Variants in RASAL2 observed in about 807,000 individuals in gnomAD.
RASAL2 encodes the protein ras GTPase-activating protein nGAP.
A neutral mutation model predicts 128.9 loss-of-function variants in RASAL2; 58 were observed. The observed-to-expected ratio is 0.45, with a 90% CI of 0.36 to 0.56. The LOEUF (loss-of-function observed/expected upper bound fraction) is 0.56. RASAL2 is among the 20% of genes least tolerant of loss of function. The pLI is 0.00. For missense variants in RASAL2, 1,360 were observed against 1,601.6 expected, an observed-to-expected ratio of 0.85 and a Z score of 2.57; for synonymous variants, 561 against 580.8, an observed-to-expected ratio of 0.97 and a Z score of 0.49.
intron 10 of RASAL2, among the ~76,000 whole-genome samples, 187 bp downstream of exon 10, chr1:178,451,902 G>C (rs1044729913): frequency 6.6e-6 from 1 of 152,096 alleles, no homozygotes; most frequent in African/African-American, 2.4e-5. Flanking sequence ...TCTATTGTAA[G>C]CAGAAGTACT....
rs945269060 is a variant in RASAL2, at chr1:178,444,488, G to A, written c.1483-1030G>A. Among the ~76,000 whole-genome samples, 10 of 152,244 alleles carry A rather than the reference G, an allele frequency of 6.6e-5. No homozygotes were observed. In the East Asian group the frequency reaches 1.5e-3, roughly 23 times the overall value. On this transcript the variant is annotated intron_variant, in intron 8 of 17. Transcript: ENST00000367649. ...TTAATTTTAAAGTAAAAGTAAATCA[G>A]CATATTCCTCCTATTTTGGCATTTG...
chr1:178,190,575 ATC>A (rs1409875579), intron 1 of RASAL2, among the ~76,000 whole-genome samples: 2 of 152,194 alleles, frequency 1.3e-5, no homozygotes, highest in East Asian at 3.8e-4. Flanking sequence ...ACAGGAAGGA[ATC>A]TATCTAGCTA....
intron 2 of RASAL2, among the ~76,000 whole-genome samples, chr1:178,290,702 G>T (rs1388788913): frequency 1.3e-5 from 2 of 152,034 alleles, no homozygotes; most frequent in African/African-American, 4.8e-5. Flanking sequence ...TTGAGATGGA[G>T]TCTTGCTATG....
At chr1:178,211,903 G>T (rs1320356975) in intron 1 of RASAL2, among the ~76,000 whole-genome samples, 1 of 152,130 alleles carries the variant, frequency 6.6e-6, no homozygotes, top group Non-Finnish European at 1.5e-5. Context: ...AGGGAATATA[G>T]AATGCATTGT....
chr1:178,234,649 G>A (rs1217893143), intron 1 of RASAL2, among the ~76,000 whole-genome samples: 1 of 151,972 alleles, frequency 6.6e-6, no homozygotes, highest in Non-Finnish European at 1.5e-5. Context: ...GTTATGACTT[G>A]GGGCCTATGT....
At chr1:178,180,209 T>C (rs958362767) in intron 1 of RASAL2, among the ~76,000 whole-genome samples, 1 of 152,182 alleles carries the variant, frequency 6.6e-6, no homozygotes, top group African/African-American at 2.4e-5. Context: ...TTTTGAGTTA[T>C]CTTAATGATA....
At chr1:178,440,763 G>A (rs1485235522) in intron 6 of RASAL2, among the ~76,000 whole-genome samples, 1 of 152,122 alleles carries the variant, frequency 6.6e-6, no homozygotes, top group African/African-American at 2.4e-5. Context: ...ATAGTGGTCA[G>A]GCTAACCTAA....
At chr1:178,385,159 A>G (rs1234214256) in intron 3 of RASAL2, among the ~76,000 whole-genome samples, 1 of 152,248 alleles carries the variant, frequency 6.6e-6, no homozygotes, top group Non-Finnish European at 1.5e-5. Flanking sequence ...CAAAATCCTG[A>G]AAAGAAAATT....
chr1:178,456,975 T>A, intron 13 of RASAL2, 76 bp downstream of exon 13: 1 of 1,436,804 alleles, frequency 7.0e-7, no homozygotes, highest in Non-Finnish European at 9.5e-7. Flanking sequence ...TTCAACCTAT[T>A]TGTTGAATTT....
chr1:178,422,887 G>T (rs568327585), intron 5 of RASAL2, among the ~76,000 whole-genome samples: 13 of 152,008 alleles, frequency 8.6e-5, no homozygotes, highest in Non-Finnish European at 1.3e-4. Context: ...GTTTTGGAGG[G>T]GGAAAAGTTT....
chr1:178,420,385 G>C (rs1156803806), intron 4 of RASAL2, 126 bp from the exon 5 acceptor site: 6 of 542,818 alleles, frequency 1.1e-5, no homozygotes, highest in Middle Eastern at 2.9e-4. Context: ...AAATTAAAAA[G>C]CTTAAAAGCT....
intron 1 of RASAL2, among the ~76,000 whole-genome samples, chr1:178,201,448 G>A (rs963248357): frequency 4.6e-5 from 7 of 152,210 alleles, no homozygotes; most frequent in African/African-American, 1.7e-4. Flanking sequence ...GAAGAGTCCA[G>A]AAGCTATACC....
At chr1:178,437,628 T>C (rs562529281) in intron 5 of RASAL2, among the ~76,000 whole-genome samples, 10 of 152,234 alleles carry the variant, frequency 6.6e-5, no homozygotes, top group Non-Finnish European at 1.2e-4. Flanking sequence ...TGAGAGGATT[T>C]TTCCTCCCAG....
intron 13 of RASAL2, among the ~76,000 whole-genome samples, chr1:178,457,274 C>T (rs551874756): frequency 6.6e-6 from 1 of 152,304 alleles, no homozygotes; most frequent in African/African-American, 2.4e-5. Context: ...GATACAATGT[C>T]GATGCTTAGA....
At chr1:178,418,606 T>C (rs767537320) in intron 4 of RASAL2, among the ~76,000 whole-genome samples, 1 of 152,204 alleles carries the variant, frequency 6.6e-6, no homozygotes, top group Admixed American at 6.5e-5. Context: ...TCCACTTTGA[T>C]TTGAGTAAGT....
At chr1:178,452,251 C>T (rs1677427202) in intron 10 of RASAL2, among the ~76,000 whole-genome samples, 165 bp from the exon 11 acceptor site, 1 of 152,140 alleles carries the variant, frequency 6.6e-6, no homozygotes, top group East Asian at 1.9e-4. Flanking sequence ...GAATTTTCCA[C>T]CGCCTCTCAG....
At chr1:178,357,145 T>C (rs1383862383) in intron 3 of RASAL2, among the ~76,000 whole-genome samples, 1 of 152,234 alleles carries the variant, frequency 6.6e-6, no homozygotes, top group Non-Finnish European at 1.5e-5. Flanking sequence ...TAAATAGCCT[T>C]GCAAATTTGT....
At chr1:178,109,764 A>G (rs1005347843) in intron 1 of RASAL2, among the ~76,000 whole-genome samples, 1 of 152,160 alleles carries the variant, frequency 6.6e-6, no homozygotes, top group African/African-American at 2.4e-5. Flanking sequence ...GCTGACGTCT[A>G]TAATCCTGGT....
chr1:178,105,656 A>G (rs932640409), intron 1 of RASAL2, among the ~76,000 whole-genome samples: 1 of 151,616 alleles, frequency 6.6e-6, no homozygotes, highest in Non-Finnish European at 1.5e-5. Context: ...TGAAATTACT[A>G]GACACATTCT....
Sources: gnomAD v4.1 joint callset for allele counts (sites outside exome capture counted in the v4.1 genomes callset) on GRCh38, gnomAD v4.1.1 for gene constraint, MANE v1.5 for transcripts, NCBI Gene and HGNC (gene_info 2026-07-23, HGNC 2026-07-21) for gene names.